CDC14A: variants seen among roughly 807,000 people sequenced by gnomAD.
CDC14A encodes the protein dual specificity protein phosphatase CDC14A.
A neutral mutation model predicts 74.4 loss-of-function variants in CDC14A; 53 were observed. The observed-to-expected ratio is 0.71, with a 90% confidence interval of 0.57 to 0.89. The LOEUF (loss-of-function observed/expected upper bound fraction) is 0.89. CDC14A is among the 40% of genes least tolerant of loss of function. CDC14A has a pLI of 0.00. For missense variants in CDC14A, 646 were observed against 713.7 expected, an observed-to-expected ratio of 0.91 and a Z score of 1.08; for synonymous variants, 247 against 258.4, an observed-to-expected ratio of 0.96 and a Z score of 0.43.
chr1:100,431,413 T>C lies in CDC14A; in HGVS notation c.389+7112T>C, dbSNP rs114406528. Among the ~76,000 whole-genome samples, 511 of 152,298 alleles carry C rather than the reference T, an allele frequency of 3.4e-3. 6 individuals carry two copies. The highest frequency in any genetic ancestry group is 0.012 in the African/African-American group (485 of 41,562). On this transcript the variant is annotated intron_variant, in intron 5 of 15. Transcript: ENST00000336454. ...TACGGTATATTTCCAGTAGCCTTAG[T>C]TGATAAATATGGTTTTGAATAAGAT...
rs2270694 is a variant in CDC14A at position 100,484,304 on chromosome 1, G to A, written c.990G>A (p.Ser330=). Residue 330 remains serine, a synonymous_variant, in exon 11 of 16, where the codon TCG becomes TCA. Coordinates refer to ENST00000336454, the MANE Select transcript of CDC14A (RefSeq NM_003672.4). Reference sequence around the variant, plus strand: ...GTTTTTTATACAGAAAACAAGCATCGTTGTGGGTCCAAGGAGACATTTTCC... The same window carrying A: ...GTTTTTTATACAGAAAACAAGCATCATTGTGGGTCCAAGGAGACATTTTCC... The part of the protein sequence containing the change: ...QQHFLEEKQA[S]LWVQGDIFRS... The A allele has an allele frequency of 0.12, 189,505 of 1,562,224 alleles. 12,304 individuals carry two copies. The highest frequency in any genetic ancestry group is 0.13 in the Middle Eastern group (766 of 5,858).
At chr1:100,450,475 G>A (rs1440501874) in intron 7 of CDC14A, among the ~76,000 whole-genome samples, 1 of 152,132 alleles carries the variant, frequency 6.6e-6, no homozygotes, top group Non-Finnish European at 1.5e-5. Context: ...CAAGTATGTG[G>A]GCATGTCCTC....
At chr1:100,411,774 A>G (rs979436108) in intron 4 of CDC14A, among the ~76,000 whole-genome samples, 1 of 152,194 alleles carries the variant, frequency 6.6e-6, no homozygotes. Flanking sequence ...GTAATGGACA[A>G]GAGAGAGAAA....
chr1:100,474,375 C>T (rs908048944), intron 10 of CDC14A, among the ~76,000 whole-genome samples: 1 of 152,106 alleles, frequency 6.6e-6, no homozygotes, highest in East Asian at 1.9e-4. Flanking sequence ...TTGTTCTTCT[C>T]TGTTTCCTGG....
rs1571269979 is a variant in CDC14A at position 100,468,150 on chromosome 1, CTT to C, written c.977+57_977+58del. 8 of 1,595,056 alleles carry C rather than the reference CTT, an allele frequency of 5.0e-6. No homozygotes were observed. In the East Asian group the frequency reaches 1.8e-4, roughly 36 times the overall value. On this transcript the variant is annotated intron_variant, in intron 10 of 15. Coordinates refer to ENST00000336454, the MANE Select transcript of CDC14A (RefSeq NM_003672.4). ...ATCCTGTTCTTGATCCTTTCTACCT[CTT>C]GTTCCCCTGGTTGTGGACCATGTCA... is the stretch of plus-strand genomic sequence containing the variant.
chr1:100,351,367 C>T (rs1557669619), upstream of CDC14A, among the ~76,000 whole-genome samples: 1 of 152,200 alleles, frequency 6.6e-6, no homozygotes, highest in African/African-American at 2.4e-5. Flanking sequence ...CTGGAGAGAC[C>T]TCTCAGAGCG....
intron 4 of CDC14A, among the ~76,000 whole-genome samples, chr1:100,403,696 G>A (rs1659565880): frequency 6.6e-6 from 1 of 152,126 alleles, no homozygotes; most frequent in Non-Finnish European, 1.5e-5. Flanking sequence ...GAATCACTGT[G>A]TTACCCTTAA....
At chr1:100,418,800 T>A (rs1019617219) in intron 4 of CDC14A, among the ~76,000 whole-genome samples, 4 of 152,282 alleles carry the variant, frequency 2.6e-5, no homozygotes, top group Non-Finnish European at 5.9e-5. Flanking sequence ...AAATTTTTTG[T>A]AAAATATGAA....
chr1:100,489,774 G>C (rs1044794513), intron 11 of CDC14A, among the ~76,000 whole-genome samples: 7 of 152,158 alleles, frequency 4.6e-5, no homozygotes, highest in African/African-American at 1.7e-4. Flanking sequence ...AAAGATAGGA[G>C]GGTCTTCCCT....
At chr1:100,431,252 A>G (rs1663636970) in intron 5 of CDC14A, among the ~76,000 whole-genome samples, 1 of 152,162 alleles carries the variant, frequency 6.6e-6, no homozygotes, top group African/African-American at 2.4e-5. Flanking sequence ...TGCTGGAACA[A>G]GAAGGTGCTT....
chr1:100,366,090 C>G (rs1305440628), intron 2 of CDC14A, among the ~76,000 whole-genome samples: 1 of 152,038 alleles, frequency 6.6e-6, no homozygotes, highest in East Asian at 1.9e-4. Context: ...GGACTGGTGA[C>G]CAATAGGCTT....
intron 3 of CDC14A, among the ~76,000 whole-genome samples, chr1:100,390,287 C>T (rs1427995807): frequency 1.3e-5 from 2 of 151,912 alleles, no homozygotes; most frequent in East Asian, 1.9e-4. Flanking sequence ...TTCAAAAATA[C>T]GATTTTTTGG....
chr1:100,353,156 A>T (rs1193290732), intron 1 of CDC14A, among the ~76,000 whole-genome samples, 153 bp downstream of exon 1: 2 of 150,860 alleles, frequency 1.3e-5, no homozygotes, highest in African/African-American at 2.4e-5. Flanking sequence ...TTCTCCGAGG[A>T]CCCCCTGCTT....
intron 10 of CDC14A, among the ~76,000 whole-genome samples, chr1:100,476,775 A>C (rs1159643093): frequency 6.6e-6 from 1 of 152,202 alleles, no homozygotes; most frequent in African/African-American, 2.4e-5. Flanking sequence ...CAGTCTGAAT[A>C]ATGTCTCCCC....
At chr1:100,432,666 A>G (rs780033527) in intron 5 of CDC14A, among the ~76,000 whole-genome samples, 1 of 152,236 alleles carries the variant, frequency 6.6e-6, no homozygotes, top group African/African-American at 2.4e-5. Flanking sequence ...ATGTTCATTA[A>G]TGCTGAAATG....
intron 4 of CDC14A, chr1:100,393,878 G>T (rs1041297729): frequency 8.3e-6 from 2 of 240,066 alleles, no homozygotes; most frequent in Non-Finnish European, 1.6e-5. Context: ...AGGAGTGGGA[G>T]GTTGCAGTGA....
chr1:100,412,733 A>G (rs1445252073), intron 4 of CDC14A, among the ~76,000 whole-genome samples: 4 of 110,120 alleles, frequency 3.6e-5, no homozygotes, highest in African/African-American at 1.9e-4. Context: ...TTTTATATAT[A>G]TATATTTTAT....
chr1:100,404,790 A>G (rs1372897637), intron 4 of CDC14A, among the ~76,000 whole-genome samples: 2 of 152,198 alleles, frequency 1.3e-5, no homozygotes, highest in South Asian at 2.1e-4. Flanking sequence ...AGATTGAGCC[A>G]CTGCACTCCA....
intron 10 of CDC14A, among the ~76,000 whole-genome samples, chr1:100,469,882 GAAGA>G (rs1458951216): frequency 2.6e-5 from 4 of 152,146 alleles, no homozygotes; most frequent in African/African-American, 7.2e-5. Context: ...AATAGTAAGA[GAAGA>G]AATTAGAGTT....
Sources: gnomAD v4.1 joint callset for allele counts (sites outside exome capture counted in the v4.1 genomes callset) on GRCh38, gnomAD v4.1.1 for gene constraint, MANE v1.5 for transcripts, NCBI Gene and HGNC (gene_info 2026-07-23, HGNC 2026-07-21) for gene names.